Variants in URB1 observed in about 807,000 individuals in gnomAD.
URB1 encodes the protein nucleolar pre-ribosomal-associated protein 1.
A neutral mutation model predicts 242.3 loss-of-function variants in URB1; 197 were observed. The ratio of observed to expected loss-of-function variants is 0.81; its 90% CI spans 0.72 to 0.91. The LOEUF (loss-of-function observed/expected upper bound fraction) is 0.91. URB1 is among the 40% of genes least tolerant of loss of function. URB1 has a pLI of 0.00. For synonymous variants in URB1, 1,153 were observed against 1,201.8 expected (o/e 0.96, Z 0.84); for missense variants, 2,721 against 2,860.5 (o/e 0.95, Z 1.11).
Position 32,312,080 on chromosome 21 carries a change from C to A in URB1, c.*2838G>T. On this transcript the variant is annotated 3_prime_UTR_variant, in exon 39 of 39. Coordinates refer to ENST00000382751, the MANE Select transcript of URB1 (RefSeq NM_014825.3). ...ATACGTTCCTCGTTCTTCTTAGAGG[C>A]CATTTGCATGTAGCAGAAAGGGCAC... The A allele has an allele frequency of 6.3e-7, 1 of 1,599,864 alleles. No individual in the cohort carries two copies. The highest frequency in any genetic ancestry group is 8.5e-7 in the Non-Finnish European group (1 of 1,178,190).
At chr21:32,355,088 G>GT in intron 16 of URB1, 91 bp from the exon 17 acceptor site, 1 of 1,393,796 alleles carries the variant, frequency 7.2e-7, no homozygotes, top group Non-Finnish European at 9.6e-7. Flanking sequence ...ATCAAGGCAA[G>GT]TGATAATATG....
Position 32,320,523 on chromosome 21 carries a change from G to T in URB1, c.5594+8C>A, listed in dbSNP as rs1314660777. ...CTGACGCGCACCTCGCATGCAAAAG[G>T]TACTTACTTGCTTTCAAGGATGTGT... is the stretch of plus-strand genomic sequence containing the variant. On this transcript the variant is annotated splice_region_variant and intron_variant, in intron 35 of 38. Transcript: ENST00000382751. The T allele has an allele frequency of 2.6e-6, 4 of 1,541,080 alleles. No individual in the cohort carries two copies. Among genetic ancestry groups the T allele is most frequent in the Non-Finnish European group, 3.5e-6 (4 of 1,137,738 alleles).
chr21:32,328,119 G>C (rs2032851397), intron 30 of URB1, among the ~76,000 whole-genome samples: 1 of 152,134 alleles, frequency 6.6e-6, no homozygotes, highest in African/African-American at 2.4e-5. Flanking sequence ...AGCAGTTTAG[G>C]AACAAAATTT....
chr21:32,383,035 C>A (rs1000434787), intron 4 of URB1, among the ~76,000 whole-genome samples: 1 of 152,172 alleles, frequency 6.6e-6, no homozygotes, highest in African/African-American at 2.4e-5. Context: ...GGGCTTTCTC[C>A]GAGGTGGGCA....
rs1189824067 is a variant in URB1, at chr21:32,352,757, T to C, written c.2566A>G (p.Asn856Asp). 1 of 1,551,524 alleles carries C rather than the reference T, an allele frequency of 6.4e-7. No individual in the cohort carries two copies. Among genetic ancestry groups the C allele is most frequent in the African/African-American group, 1.4e-5 (1 of 73,026 alleles). Residue 856 changes from asparagine (N) to aspartate (D), a missense_variant, in exon 19 of 39, where the codon AAC (asparagine) becomes GAC (aspartate). Transcript: ENST00000382751. ...VPCCQQLSRFNRYYSLWIPEQ... is the reference protein window; with the variant it reads ...VPCCQQLSRFDRYYSLWIPEQ... ...GGGATCCAGAGGCTGTAGTATCTGT[T>C]AAACCGTGAGAGCTGCTGGCAGCAA...
In URB1 at chr21:32,325,275, G is replaced by A. The variant is rs1307638582; in HGVS notation, c.5075C>T (p.Ala1692Val). 6.4e-7 allele frequency: 1 copy of A among 1,551,580 alleles called. No individual in the cohort carries two copies. The highest frequency in any genetic ancestry group is 8.7e-7 in the Non-Finnish European group (1 of 1,146,996). ...MRAIAYHVLA[A>V]YYSHLEGARF... ...TGCGCCCTCCAAGTGCGAGTAGTAG[G>A]CCGCCAGGACATGGTAGGCTATGGC... Residue 1692 changes from alanine (A) to valine (V), a missense_variant, in exon 31 of 39, where the codon GCC (alanine) becomes GTC (valine). Physicochemically the swap from Ala to Val is moderately conservative, Grantham distance 64 (BLOSUM62 0). Transcript: ENST00000382751.
At chr21:32,346,934 C>T (rs1281099330) in intron 22 of URB1, 22 bp downstream of exon 22, 1 of 1,480,774 alleles carries the variant, frequency 6.8e-7, no homozygotes, top group Non-Finnish European at 9.0e-7. Flanking sequence ...CCCCAGCTGC[C>T]CAAAGCTAGC....
chr21:32,387,304 G>T (rs1219336767), intron 1 of URB1, among the ~76,000 whole-genome samples: 1 of 152,138 alleles, frequency 6.6e-6, no homozygotes, highest in Non-Finnish European at 1.5e-5. Flanking sequence ...GCCTTTCAGA[G>T]AATCACTTGA....
chr21:32,388,914 C>T (rs561300742), intron 1 of URB1, among the ~76,000 whole-genome samples: 62 of 152,206 alleles, frequency 4.1e-4, no homozygotes, highest in Non-Finnish European at 7.9e-4. Flanking sequence ...ACAGGGGGTG[C>T]CCGAGACGTG....
chr21:32,318,363 C>T (rs1439843784), intron 36 of URB1, among the ~76,000 whole-genome samples: 1 of 152,190 alleles, frequency 6.6e-6, no homozygotes, highest in Non-Finnish European at 1.5e-5. Flanking sequence ...AAAAAGATCT[C>T]CCTGAATTCC....
intron 15 of URB1, among the ~76,000 whole-genome samples, chr21:32,357,144 T>C (rs190341095): frequency 1.5e-3 from 227 of 152,284 alleles, no homozygotes; most frequent in African/African-American, 5.4e-3. Flanking sequence ...ATTCCTATTC[T>C]CTTCCACTGG....
chr21:32,330,563 C>T lies in URB1; in HGVS notation c.4960+2754G>A, dbSNP rs146903880. Among the ~76,000 whole-genome samples, 557 of 151,070 alleles carry T rather than the reference C, an allele frequency of 3.7e-3. 2 individuals carry two copies. Among genetic ancestry groups the T allele is most frequent in the African/African-American group, 0.012 (512 of 41,248 alleles). On this transcript the variant is annotated intron_variant, in intron 30 of 38. Transcript: ENST00000382751. ...CCTGATTTTGCTATTAAACTTTTTC[C>T]AAGCCTTTTTCTCCTGAAAGCTCTA...
At chr21:32,332,064 G>A (rs193235430) in intron 30 of URB1, among the ~76,000 whole-genome samples, 2 of 152,310 alleles carry the variant, frequency 1.3e-5, no homozygotes, top group African/African-American at 4.8e-5. Flanking sequence ...AGTCACAAGC[G>A]GGACAGATGG....
chr21:32,312,496 C>T lies in URB1; in HGVS notation c.*2422G>A, dbSNP rs568004663. 64 of 231,076 alleles carry T rather than the reference C, an allele frequency of 2.8e-4. 1 individual carries two copies. In the South Asian group the frequency reaches 4.6e-3, roughly 17 times the overall value. The allele number at this position is 231,076 out of a possible 1,614,324, so 14.3% of individuals were successfully genotyped here. On this transcript the variant is annotated 3_prime_UTR_variant, in exon 39 of 39. Coordinates refer to ENST00000382751, the MANE Select transcript of URB1 (RefSeq NM_014825.3). ...CACTGCAGTCTGGGGACCTGAGTTG[C>T]ACCTTCAACCTCCCCACAGCCTTTC... is the stretch of plus-strand genomic sequence containing the variant.
In URB1 at chr21:32,314,404, C is replaced by T. The variant is rs1438164810; in HGVS notation, c.*514G>A. The T allele has an allele frequency of 3.0e-6, 2 of 674,286 alleles. No individual in the cohort carries two copies. The highest frequency in any genetic ancestry group is 3.0e-5 in the East Asian group (1 of 33,606). 41.8% of individuals were successfully genotyped at this position (674,286 alleles called of 1,614,324 possible). A position where few individuals can be genotyped will look rare whatever the true frequency, so the allele number is the denominator to read the frequency against. On this transcript the variant is annotated 3_prime_UTR_variant, in exon 39 of 39. Transcript: ENST00000382751. ...TTCACCATGTTGGGAAGGCTGGTTT[C>T]GAACTCCTGACCTCAGGTGATTCAC...
intron 12 of URB1, 119 bp downstream of exon 12, chr21:32,361,773 G>C: frequency 1.5e-6 from 2 of 1,378,280 alleles, no homozygotes; most frequent in South Asian, 3.1e-5. Context: ...TTCACAGCCA[G>C]AGGTGCCTTG....
chr21:32,337,342 G>C lies in URB1; in HGVS notation c.4621+62C>G, dbSNP rs2032971920. 9 of 1,459,810 alleles carry C rather than the reference G, an allele frequency of 6.2e-6. No individual in the cohort carries two copies. In the South Asian group the frequency reaches 8.9e-5, roughly 14 times the overall value. The allele number at this position is 1,459,810 out of a possible 1,614,324, so 90.4% of individuals were successfully genotyped here. A position where few individuals can be genotyped will look rare whatever the true frequency, so the allele number is the denominator to read the frequency against. ...CCTCCAGCTCTCATTCCCTATCTCT[G>C]CTCACACCCCCGGCCCTCACTCCCT... On this transcript the variant is annotated intron_variant, in intron 27 of 38. Transcript: ENST00000382751.
In URB1 at chr21:32,337,581, A is replaced by C. The variant is rs535222452; in HGVS notation, c.4511-67T>G. The C allele has an allele frequency of 2.4e-5, 32 of 1,333,716 alleles. No homozygotes were observed. In the South Asian group the frequency reaches 4.0e-4, roughly 17 times the overall value. 82.6% of individuals were successfully genotyped at this position (1,333,716 alleles called of 1,614,324 possible). ...GACACACTGAATACCAGAAGAGGAG[A>C]GAGCCTTCCAGGCAACATTGAAATG... On this transcript the variant is annotated intron_variant, in intron 26 of 38. Coordinates refer to ENST00000382751, the MANE Select transcript of URB1 (RefSeq NM_014825.3).
chr21:32,374,612 T>C lies in URB1; in HGVS notation c.750+786A>G, dbSNP rs566284370. On this transcript the variant is annotated intron_variant, in intron 6 of 38. Transcript: ENST00000382751. ...ATTTTAGTAGGCAAAAAAATCTGTA[T>C]GTCATTATTTGCTTTACTTTAAATT... Among the ~76,000 whole-genome samples, 7 of 152,374 alleles carry C rather than the reference T, an allele frequency of 4.6e-5. No homozygotes were observed. In the South Asian group the frequency reaches 8.3e-4, roughly 18 times the overall value.
Sources: gnomAD v4.1 joint callset for allele counts (sites outside exome capture counted in the v4.1 genomes callset) on GRCh38, gnomAD v4.1.1 for gene constraint, MANE v1.5 for transcripts, NCBI Gene and HGNC (gene_info 2026-07-23, HGNC 2026-07-21) for gene names.